AKAP9: variants seen among roughly 807,000 people sequenced by gnomAD.
AKAP9 encodes the protein A-kinase anchoring protein 9.
AKAP9 carries 311 observed loss-of-function variants against 488.5 expected under a neutral mutation model. That is an observed-to-expected ratio of 0.64 (90% CI 0.58 to 0.70). AKAP9 has a LOEUF of 0.70. AKAP9 is among the 30% of genes least tolerant of loss of function. AKAP9 has a pLI of 0.00. For missense variants in AKAP9, 4,215 were observed against 4,374.5 expected (o/e 0.96, Z 1.03); for synonymous variants, 1,462 against 1,483.5 (o/e 0.99, Z 0.33).
intron 42 of AKAP9, 117 bp from the exon 43 acceptor site, chr7:92,097,992 T>C (rs1245604460): frequency 1.1e-6 from 1 of 871,534 alleles, no homozygotes; most frequent in East Asian, 2.6e-5. Context: ...GAAGAAAGCA[T>C]GGGATATAAG....
intron 44 of AKAP9, 62 bp downstream of exon 44, chr7:92,099,931 C>A: frequency 6.5e-7 from 1 of 1,534,472 alleles, no homozygotes; most frequent in Non-Finnish European, 9.0e-7. Flanking sequence ...TTTCTGCTGT[C>A]TAGTTCAAGT....
intron 22 of AKAP9, among the ~76,000 whole-genome samples, chr7:92,058,808 G>A (rs1467820956): frequency 6.6e-6 from 1 of 151,874 alleles, no homozygotes; most frequent in Non-Finnish European, 1.5e-5. Flanking sequence ...ACAATCATAT[G>A]TTATATTGGC....
intron 3 of AKAP9, among the ~76,000 whole-genome samples, chr7:91,990,807 C>T (rs1797656786): frequency 6.6e-6 from 1 of 152,160 alleles, no homozygotes; most frequent in Admixed American, 6.6e-5. Flanking sequence ...AAGCAGTAGT[C>T]CCCCATCCCT....
chr7:92,034,243 G>A (rs906797584), intron 16 of AKAP9, among the ~76,000 whole-genome samples: 1 of 152,132 alleles, frequency 6.6e-6, no homozygotes, highest in Non-Finnish European at 1.5e-5. Context: ...ACGGTCAGGA[G>A]ACTTGACTAG....
chr7:92,063,150 G>A (rs1289632324), intron 24 of AKAP9, among the ~76,000 whole-genome samples: 6 of 152,032 alleles, frequency 3.9e-5, no homozygotes, highest in East Asian at 3.8e-4. Flanking sequence ...TAAATGTGCC[G>A]TTTCACTGAT....
intron 2 of AKAP9, among the ~76,000 whole-genome samples, chr7:91,975,909 TTTTG>T (rs1294960330): frequency 1.8e-4 from 20 of 112,996 alleles, no homozygotes; most frequent in East Asian, 6.2e-4. Flanking sequence ...TTGGTTTGTT[TTTTG>T]TTTGTTTGTT....
At chr7:92,046,741 T>C (rs1183033869) in intron 21 of AKAP9, among the ~76,000 whole-genome samples, 1 of 152,208 alleles carries the variant, frequency 6.6e-6, no homozygotes, top group Non-Finnish European at 1.5e-5. Context: ...AACATTTTCT[T>C]GGTCTGATAA....
At position 92,022,225 on chromosome 7, in the gene AKAP9, TG is replaced by T. The variant is rs756986078; in HGVS notation, c.3838-11del. The T allele has an allele frequency of 1.3e-6, 2 of 1,553,280 alleles. No homozygotes were observed. Among genetic ancestry groups the T allele is most frequent in the Admixed American group, 3.3e-5 (2 of 59,936 alleles). ...TATTTATGTTACTGCTTTTATTCTG[TG>T]GTTTTCAATAGATCTGGGGACAGCA... is the stretch of plus-strand genomic sequence containing the variant. On this transcript the variant is annotated splice_polypyrimidine_tract_variant and intron_variant, in intron 12 of 49. Transcript: ENST00000356239.
chr7:92,030,739 A>G (rs10281556), intron 15 of AKAP9, among the ~76,000 whole-genome samples: 60,790 of 151,776 alleles, frequency 0.4, 12,462 homozygotes, highest in African/African-American at 0.46. Context: ...CGTATGGTAT[A>G]TAAAAAAGTT....
intron 8 of AKAP9, among the ~76,000 whole-genome samples, chr7:92,009,981 G>C (rs1223321738): frequency 6.6e-6 from 1 of 152,198 alleles, no homozygotes; most frequent in Non-Finnish European, 1.5e-5. Context: ...CCAGGCTCAA[G>C]TGATCCTCCC....
chr7:92,077,882 TCA>T lies in AKAP9; in HGVS notation c.6945+8_6945+9del. The stretch of plus-strand genomic sequence containing the variant: ...AATTACAACAGATAACAAGGTATAC[TCA>T]TTTAAAATTGATTATGAAATTAATA... On this transcript the variant is annotated splice_region_variant and intron_variant, in intron 30 of 49. Transcript: ENST00000356239. 1 of 1,602,294 alleles carries T rather than the reference TCA, an allele frequency of 6.2e-7. No homozygotes were observed. Among genetic ancestry groups the T allele is most frequent in the Non-Finnish European group, 8.5e-7 (1 of 1,171,776 alleles).
intron 38 of AKAP9, among the ~76,000 whole-genome samples, chr7:92,091,590 A>C (rs1815608764): frequency 6.7e-6 from 1 of 150,096 alleles, no homozygotes; most frequent in South Asian, 2.1e-4. Context: ...TGTCTCAAAA[A>C]AAAAAAACAA....
chr7:92,040,646 GTTTTTT>G, intron 17 of AKAP9, 22 bp from the exon 18 acceptor site: 4 of 1,118,610 alleles, frequency 3.6e-6, no homozygotes, highest in African/African-American at 1.7e-5. Flanking sequence ...TGGTTGAATT[GTTTTTT>G]TTTTTTTTTT....
chr7:91,981,893 C>T (rs973050042), intron 3 of AKAP9, among the ~76,000 whole-genome samples: 2 of 152,024 alleles, frequency 1.3e-5, no homozygotes, highest in East Asian at 1.9e-4. Context: ...TGTAAGCCAC[C>T]GCACCTGGCT....
rs34370932 is a variant in AKAP9 at position 92,002,699 on chromosome 7, T to C, written c.2782T>C (p.Leu928=). 2.9e-3 allele frequency: 4,615 copies of C among 1,613,438 alleles called. 126 individuals carry two copies. In the African/African-American group the frequency reaches 0.051, roughly 18 times the overall value. The change falls in exon 8 of 50, where the codon TTG becomes CTG. Residue 928 remains leucine, a synonymous_variant. Transcript: ENST00000356239. The part of the protein sequence containing the change: ...DEDKTFVAET[L]EMGEVVEKDT... ...AGACAAAACTTTTGTAGCAGAAACA[T>C]TGGAAATGGGTGAGGTTGTTGAAAA...
chr7:91,999,367 G>A (rs1030565917), intron 7 of AKAP9, among the ~76,000 whole-genome samples: 2 of 152,026 alleles, frequency 1.3e-5, no homozygotes, highest in South Asian at 2.1e-4. Flanking sequence ...CTGGGATCAC[G>A]GGCGCCCAGC....
At chr7:92,000,816 C>T (rs1799060147) in intron 7 of AKAP9, 32 bp from the exon 8 acceptor site, 2 of 1,163,062 alleles carry the variant, frequency 1.7e-6, no homozygotes, top group Non-Finnish European at 2.4e-6. Flanking sequence ...GCTAAAAATG[C>T]CATTCTTACA....
At chr7:92,055,183 G>A (rs561775903) in intron 22 of AKAP9, among the ~76,000 whole-genome samples, 116 of 152,088 alleles carry the variant, frequency 7.6e-4, no homozygotes, top group African/African-American at 2.7e-3. Context: ...CCTAATACTT[G>A]TTTTTAAGAA....
chr7:91,967,797 G>T (rs1794602241), intron 1 of AKAP9, among the ~76,000 whole-genome samples: 1 of 152,132 alleles, frequency 6.6e-6, no homozygotes, highest in African/African-American at 2.4e-5. Context: ...TTGGTATCAG[G>T]CTAATGTTGG....
Sources: allele counts gnomAD v4.1 joint callset (sites outside exome capture counted in the v4.1 genomes callset), GRCh38; gene constraint gnomAD v4.1.1; transcripts MANE v1.5; gene names NCBI Gene and HGNC (gene_info 2026-07-23, HGNC 2026-07-21).